PXDNL: variants seen among roughly 807,000 people sequenced by gnomAD.
PXDNL encodes the protein peroxidasin like.
A neutral mutation model predicts 150.8 loss-of-function variants in PXDNL; 145 were observed. The ratio of observed to expected loss-of-function variants is 0.96; its 90% CI spans 0.84 to 1.10. PXDNL has a LOEUF of 1.10. PXDNL is among the 50% of genes least tolerant of loss of function. PXDNL has a pLI of 0.00. For synonymous variants in PXDNL, 757 were observed against 725.7 expected (o/e 1.04, Z -0.69); for missense variants, 2,087 against 1,873.9 (o/e 1.11, Z -2.10).
chr8:51,361,703 T>A (rs1467002214), intron 19 of PXDNL, among the ~76,000 whole-genome samples: 2 of 152,116 alleles, frequency 1.3e-5, no homozygotes, highest in Non-Finnish European at 2.9e-5. Context: ...GGCTCACGCC[T>A]GTAATCTCAG....
intron 2 of PXDNL, among the ~76,000 whole-genome samples, chr8:51,644,405 C>CATGTGTGTGTATATATATACACAT (rs1420065071): frequency 1.2e-4 from 10 of 82,712 alleles, no homozygotes; most frequent in African/African-American, 1.9e-4. Context: ...TATATATACA[C>CATGTGTGTGTATATATATACACAT]ATGTGTGTGT....
intron 7 of PXDNL, among the ~76,000 whole-genome samples, chr8:51,473,746 A>T (rs1031244076): frequency 6.8e-5 from 6 of 88,820 alleles, no homozygotes; most frequent in African/African-American, 2.1e-4. Context: ...TGTCTAATTT[A>T]AAAAAAAAAA....
At chr8:51,347,678 G>A (rs1255123458) in intron 19 of PXDNL, among the ~76,000 whole-genome samples, 2 of 150,984 alleles carry the variant, frequency 1.3e-5, no homozygotes, top group African/African-American at 5.0e-5. Flanking sequence ...GAGGCCGGGT[G>A]CAGTGGCTCA....
chr8:51,765,102 A>C (rs1321040948), intron 1 of PXDNL, among the ~76,000 whole-genome samples: 1 of 152,176 alleles, frequency 6.6e-6, no homozygotes, highest in East Asian at 1.9e-4. Flanking sequence ...CAGCCACTAC[A>C]GTTCTCTGTT....
chr8:51,633,074 G>A (rs1281669632), intron 2 of PXDNL, among the ~76,000 whole-genome samples: 6 of 152,008 alleles, frequency 3.9e-5, no homozygotes, highest in South Asian at 2.1e-4. Context: ...AATACCCCCC[G>A]TGTCAATTTG....
At chr8:51,494,821 A>C (rs905244511) in intron 5 of PXDNL, among the ~76,000 whole-genome samples, 6 of 151,836 alleles carry the variant, frequency 4.0e-5, no homozygotes, top group African/African-American at 4.9e-5. Context: ...AATCCCACAC[A>C]ATAATAATGG....
Position 51,607,038 on chromosome 8 carries a change from T to C in PXDNL, c.237-14340A>G, listed in dbSNP as rs983543617. 6.6e-5 allele frequency among the ~76,000 whole-genome samples: 10 copies of C among 152,210 alleles called. No homozygotes were observed. The South Asian group carries it at 1.4e-3, about 22-fold the overall frequency. ...ACCTCTTCATGCAAAGTAAAACTTA[T>C]GTGTTTGGGATTTTTTTTCTGATAC... On this transcript the variant is annotated intron_variant, in intron 2 of 22. Transcript: ENST00000356297.
intron 2 of PXDNL, among the ~76,000 whole-genome samples, chr8:51,628,204 C>T (rs1814402379): frequency 6.6e-6 from 1 of 151,990 alleles, no homozygotes; most frequent in South Asian, 2.1e-4. Flanking sequence ...CATTTTTTGG[C>T]TGATCTCTTG....
chr8:51,655,468 G>C (rs1815130689), intron 1 of PXDNL, among the ~76,000 whole-genome samples: 1 of 152,164 alleles, frequency 6.6e-6, no homozygotes, highest in Non-Finnish European at 1.5e-5. Flanking sequence ...GGACTAGGGT[G>C]CATAGTGTTT....
chr8:51,337,990 C>T (rs1300809397), intron 21 of PXDNL, among the ~76,000 whole-genome samples: 2 of 151,770 alleles, frequency 1.3e-5, no homozygotes, highest in African/African-American at 4.8e-5. Flanking sequence ...ACCAGCCTGG[C>T]CAACATGGCA....
chr8:51,434,788 T>G (rs190601178), intron 12 of PXDNL, among the ~76,000 whole-genome samples: 11 of 152,318 alleles, frequency 7.2e-5, no homozygotes, highest in African/African-American at 2.4e-4. Context: ...CACAGAATTA[T>G]GACAGAATGT....
At chr8:51,386,327 G>A (rs554913559) in intron 17 of PXDNL, among the ~76,000 whole-genome samples, 13 of 152,000 alleles carry the variant, frequency 8.6e-5, no homozygotes, top group Non-Finnish European at 1.5e-4. Context: ...TCCTGACCTC[G>A]TGATCCGCCT....
chr8:51,323,531 A>C (rs746703724), intron 21 of PXDNL, among the ~76,000 whole-genome samples: 1 of 151,968 alleles, frequency 6.6e-6, no homozygotes, highest in Non-Finnish European at 1.5e-5. Flanking sequence ...TCAAGCAATC[A>C]CTCTGTCTTG....
chr8:51,775,125 C>A (rs114301835), intron 1 of PXDNL, among the ~76,000 whole-genome samples: 177 of 152,142 alleles, frequency 1.2e-3, no homozygotes, highest in Non-Finnish European at 2.0e-3. Context: ...TTGTTATTCA[C>A]TTAGGTAGGT....
At chr8:51,725,406 A>T (rs1816803119) in intron 1 of PXDNL, among the ~76,000 whole-genome samples, 2 of 152,234 alleles carry the variant, frequency 1.3e-5, no homozygotes, top group Non-Finnish European at 2.9e-5. Flanking sequence ...GAGTAAACTG[A>T]TTGAAAATTC....
intron 19 of PXDNL, among the ~76,000 whole-genome samples, chr8:51,358,137 A>G (rs2915478): frequency 0.73 from 111,350 of 152,020 alleles, 41,317 homozygotes; most frequent in East Asian, 0.94. Flanking sequence ...ATAGAAACCT[A>G]TTATGATAAG....
intron 5 of PXDNL, among the ~76,000 whole-genome samples, chr8:51,497,469 A>G (rs1811077795): frequency 6.6e-6 from 1 of 152,242 alleles, no homozygotes. Context: ...CTGCACAGCA[A>G]AAGAAACTAC....
intron 1 of PXDNL, among the ~76,000 whole-genome samples, chr8:51,682,733 T>C (rs1011522422): frequency 1.3e-5 from 2 of 152,130 alleles, no homozygotes; most frequent in Non-Finnish European, 2.9e-5. Context: ...AAACAAATGA[T>C]ACAGATATGA....
chr8:51,564,649 T>C (rs1322699424), intron 3 of PXDNL, among the ~76,000 whole-genome samples: 1 of 151,314 alleles, frequency 6.6e-6, no homozygotes, highest in Non-Finnish European at 1.5e-5. Flanking sequence ...AGACACAACA[T>C]AATGGGGCAT....
Sources: allele counts gnomAD v4.1 joint callset (sites outside exome capture counted in the v4.1 genomes callset), GRCh38; gene constraint gnomAD v4.1.1; transcripts MANE v1.5; gene names NCBI Gene and HGNC (gene_info 2026-07-23, HGNC 2026-07-21).